Variants in ESRRG observed in about 807,000 individuals in gnomAD.
ESRRG encodes the protein estrogen-related receptor gamma.
A neutral mutation model predicts 44.0 loss-of-function variants in ESRRG; 13 were observed. The observed-to-expected ratio is 0.30, with a 90% CI of 0.19 to 0.47. The LOEUF is 0.47. Among genes scored for constraint, ESRRG ranks in the 20% least tolerant of loss-of-function variants. The pLI is 1.00. For missense variants in ESRRG, 395 were observed against 580.6 expected (o/e 0.68, Z 3.29); for synonymous variants, 215 against 214.6 (o/e 1.00, Z -0.02).
At chr1:216,921,282 C>A (rs1181605429) in intron 2 of ESRRG, among the ~76,000 whole-genome samples, 1 of 152,010 alleles carries the variant, frequency 6.6e-6, no homozygotes, top group Non-Finnish European at 1.5e-5. Context: ...CGCATGGTGA[C>A]TTTTTTCAAG....
intron 5 of ESRRG, among the ~76,000 whole-genome samples, chr1:216,548,453 C>T (rs1423439085): frequency 6.6e-6 from 1 of 152,012 alleles, no homozygotes; most frequent in Non-Finnish European, 1.5e-5. Context: ...TCCTTCAGTT[C>T]TGCTAACAGA....
At chr1:217,038,155 C>T (rs1430360204) in intron 1 of ESRRG, among the ~76,000 whole-genome samples, 1 of 152,182 alleles carries the variant, frequency 6.6e-6, no homozygotes, top group Non-Finnish European at 1.5e-5. Flanking sequence ...CTCACCGCTC[C>T]ACTAGGCAGT....
chr1:216,974,141 T>C (rs1438057428), intron 1 of ESRRG, among the ~76,000 whole-genome samples: 4 of 152,202 alleles, frequency 2.6e-5, no homozygotes, highest in African/African-American at 9.6e-5. Flanking sequence ...AACTTTCAAC[T>C]ATATTCATCT....
intron 2 of ESRRG, among the ~76,000 whole-genome samples, chr1:216,785,876 G>A (rs549165798): frequency 1.3e-5 from 2 of 152,208 alleles, no homozygotes; most frequent in Admixed American, 6.6e-5. Context: ...AAAACTGTTT[G>A]TCAGCCGTAG....
At chr1:216,509,045 T>C (rs2041978287) in intron 6 of ESRRG, among the ~76,000 whole-genome samples, 1 of 152,138 alleles carries the variant, frequency 6.6e-6, no homozygotes, top group Non-Finnish European at 1.5e-5. Context: ...ATAAAAATAA[T>C]ACATTTACCA....
At chr1:216,912,484 G>A (rs2149608558) in intron 2 of ESRRG, among the ~76,000 whole-genome samples, 1 of 152,186 alleles carries the variant, frequency 6.6e-6, no homozygotes, top group South Asian at 2.1e-4. Flanking sequence ...TATTTTCCTT[G>A]TGCTTATTTA....
intron 2 of ESRRG, among the ~76,000 whole-genome samples, chr1:216,843,211 TTG>T (rs201814746): frequency 5.3e-5 from 8 of 151,066 alleles, no homozygotes; most frequent in African/African-American, 2.0e-4. Flanking sequence ...GAATCAAATT[TTG>T]TTTTTTTTTA....
At chr1:217,064,717 T>C (rs2089315996) in intron 1 of ESRRG, among the ~76,000 whole-genome samples, 1 of 152,156 alleles carries the variant, frequency 6.6e-6, no homozygotes, top group South Asian at 2.1e-4. Context: ...CACTAATAAA[T>C]TTCAAGTAGA....
At chr1:216,697,884 A>C (rs780059950) in intron 1 of ESRRG, among the ~76,000 whole-genome samples, 1 of 152,230 alleles carries the variant, frequency 6.6e-6, no homozygotes, top group Non-Finnish European at 1.5e-5. Flanking sequence ...GGAAATAAAA[A>C]TGACTACTAT....
chr1:216,896,121 G>T (rs956835015), intron 2 of ESRRG, among the ~76,000 whole-genome samples: 3 of 152,006 alleles, frequency 2.0e-5, no homozygotes, highest in African/African-American at 7.3e-5. Context: ...CCCAAATAAA[G>T]TTTATGCAAA....
chr1:216,930,586 C>G (rs76122838), intron 2 of ESRRG, among the ~76,000 whole-genome samples: 1 of 152,184 alleles, frequency 6.6e-6, no homozygotes, highest in South Asian at 2.1e-4. Flanking sequence ...GACCTGGAAA[C>G]TGCAAAGACG....
intron 2 of ESRRG, among the ~76,000 whole-genome samples, chr1:216,669,108 A>C (rs1403720178): frequency 6.6e-5 from 10 of 152,070 alleles, no homozygotes; most frequent in Admixed American, 2.6e-4. Flanking sequence ...AGCTTAAAAA[A>C]AAAACAAAAC....
intron 3 of ESRRG, among the ~76,000 whole-genome samples, chr1:216,593,517 T>C (rs546819071): frequency 1.3e-5 from 2 of 152,232 alleles, no homozygotes; most frequent in Non-Finnish European, 1.5e-5. Context: ...GATTAGATTC[T>C]GATAACAGCC....
chr1:217,008,498 T>A (rs1330825455), intron 1 of ESRRG, among the ~76,000 whole-genome samples: 16 of 152,184 alleles, frequency 1.1e-4, no homozygotes, highest in Non-Finnish European at 1.5e-5. Context: ...ATAGGCAACA[T>A]ACTACATTTA....
chr1:216,723,286 T>G lies in ESRRG; in HGVS notation c.14A>C (p.Glu5Ala). ...GGAAAAAGATTCAGGAAGGCAAAGT[T>G]CTACCGAATCCATGTGCGACCGGCA... The part of the protein sequence containing the change: MDSV[E>A]LCLPESFSLH... Residue 5 changes from glutamate to alanine, a missense_variant, in exon 1 of 7, where the codon GAA becomes GCA. This residue lies in a region of ESRRG where 148 missense variants were observed against 150.4 expected (regional missense o/e 0.98). Transcript: ENST00000408911. The G allele has an allele frequency of 6.2e-7, 1 of 1,613,888 alleles. No individual in the cohort carries two copies. The highest frequency in any genetic ancestry group is 8.5e-7 in the Non-Finnish European group (1 of 1,179,998).
At chr1:216,679,640 T>TC (rs2076699715) in intron 1 of ESRRG, among the ~76,000 whole-genome samples, 2 of 151,424 alleles carry the variant, frequency 1.3e-5, no homozygotes, top group Non-Finnish European at 2.9e-5. Context: ...TTTCTTTTTT[T>TC]TTTTTTTATC....
chr1:216,611,651 G>A (rs192841928), intron 3 of ESRRG, among the ~76,000 whole-genome samples: 112 of 152,214 alleles, frequency 7.4e-4, no homozygotes, highest in African/African-American at 2.6e-3. Context: ...AGTGAGAGGA[G>A]GAGGTGAGAC....
chr1:217,077,871 A>G (rs2091447844), intron 1 of ESRRG, among the ~76,000 whole-genome samples: 1 of 152,224 alleles, frequency 6.6e-6, no homozygotes, highest in Admixed American at 6.5e-5. Flanking sequence ...GAAGTTTTAT[A>G]GTTTAATGCC....
At chr1:216,927,431 C>G (rs2062740675) in intron 2 of ESRRG, among the ~76,000 whole-genome samples, 1 of 152,168 alleles carries the variant, frequency 6.6e-6, no homozygotes, top group Non-Finnish European at 1.5e-5. Flanking sequence ...TGAGGGAGCT[C>G]TGCAAAGTGA....
Sources: gnomAD v4.1 joint callset for allele counts (sites outside exome capture counted in the v4.1 genomes callset) on GRCh38, gnomAD v4.1.1 for gene constraint, gnomAD v4.1.1 regional missense constraint, MANE v1.5 for transcripts, NCBI Gene and HGNC (gene_info 2026-07-23, HGNC 2026-07-21) for gene names.